The following MCM8 variants were observed in gnomAD, a reference collection of about 807,000 sequenced individuals.
MCM8 encodes the protein minichromosome maintenance 8 homologous recombination repair factor.
Under a neutral mutation model 98.9 loss-of-function variants are expected in MCM8, and 85 were observed. That is an observed-to-expected ratio of 0.86 (90% confidence interval 0.72 to 1.03). MCM8 has a LOEUF of 1.03. Ranked by LOEUF, MCM8 falls within the 50% of genes least tolerant of loss-of-function variation. MCM8 has a pLI of 0.00. For synonymous variants in MCM8, 352 were observed against 338.6 expected (o/e 1.04, Z -0.44); for missense variants, 951 against 997.8 (o/e 0.95, Z 0.63).
chr20:5,970,627 G>C (rs1287701561), intron 10 of MCM8, among the ~76,000 whole-genome samples: 1 of 152,168 alleles, frequency 6.6e-6, no homozygotes, highest in Admixed American at 6.5e-5. Flanking sequence ...CCAGTAGGAA[G>C]CCGGAACATA....
intron 6 of MCM8, 132 bp downstream of exon 6, chr20:5,957,361 A>G (rs2089014277): frequency 1.7e-6 from 1 of 575,984 alleles, no homozygotes. Flanking sequence ...CTCATTGATC[A>G]TCACACTGAA....
intron 12 of MCM8, 31 bp downstream of exon 12, chr20:5,973,227 T>C (rs2089442935): frequency 1.2e-6 from 2 of 1,607,406 alleles, no homozygotes; most frequent in Non-Finnish European, 1.7e-6. Flanking sequence ...TGTTTGTTCT[T>C]TTGCTTGTAA....
At chr20:5,968,710 T>C (rs764735890) in intron 10 of MCM8, among the ~76,000 whole-genome samples, 2 of 152,210 alleles carry the variant, frequency 1.3e-5, no homozygotes, top group African/African-American at 4.8e-5. Flanking sequence ...CTTTATCCTT[T>C]TATAGAAAAA....
chr20:5,989,063 G>A (rs1479836683), intron 17 of MCM8, among the ~76,000 whole-genome samples: 1 of 150,768 alleles, frequency 6.6e-6, no homozygotes, highest in Non-Finnish European at 1.5e-5. Flanking sequence ...TGACGAATAC[G>A]GTTCTGATAC....
At position 5,958,662 on chromosome 20, in the gene MCM8, G is replaced by T; in HGVS notation, c.725G>T (p.Cys242Phe). The T allele has an allele frequency of 6.2e-7, 1 of 1,614,064 alleles. No individual in the cohort carries two copies. The highest frequency in any genetic ancestry group is 8.5e-7 in the Non-Finnish European group (1 of 1,179,988). Reference sequence around the variant, plus strand: ...CTTTGCACCAAGATGGCTTTTCTTTGTGCTGCATGTGGAGAAATTCAGAGC... The same window carrying T: ...CTTTGCACCAAGATGGCTTTTCTTTTTGCTGCATGTGGAGAAATTCAGAGC... ...KPLCTKMAFL[C>F]AACGEIQSFP... The change falls in exon 7 of 19, where the codon TGT (cysteine) becomes TTT (phenylalanine). Residue 242 changes from cysteine (C) to phenylalanine (F), a missense_variant. Cys to Phe is a radical substitution (Grantham distance 205). Transcript: ENST00000610722.
intron 7 of MCM8, among the ~76,000 whole-genome samples, chr20:5,962,352 CTTTTTTTTTTTTTTTTT>C (rs926577182): frequency 7.4e-5 from 3 of 40,580 alleles, no homozygotes; most frequent in Admixed American, 3.8e-4. Context: ...GCCTTCATTT[CTTTTTTTTTTTTTTTTT>C]TTTTTTTTTT....
intron 14 of MCM8, among the ~76,000 whole-genome samples, chr20:5,983,769 T>C (rs2089677247): frequency 6.6e-6 from 1 of 152,168 alleles, no homozygotes; most frequent in Non-Finnish European, 1.5e-5. Context: ...CTTGGTGTGT[T>C]GATCACAATT....
At chr20:5,979,195 C>A (rs952560905) in intron 13 of MCM8, among the ~76,000 whole-genome samples, 1 of 150,210 alleles carries the variant, frequency 6.7e-6, no homozygotes, top group Non-Finnish European at 1.5e-5. Flanking sequence ...CCTTGAAACT[C>A]TCATTGGTTT....
intron 13 of MCM8, among the ~76,000 whole-genome samples, chr20:5,978,913 T>C (rs1600287743): frequency 6.6e-6 from 1 of 152,188 alleles, no homozygotes; most frequent in South Asian, 2.1e-4. Context: ...TCATTGGTTT[T>C]TTTTCAGGAT....
At chr20:5,967,665 C>A in intron 9 of MCM8, 78 bp downstream of exon 9, 1 of 1,477,122 alleles carries the variant, frequency 6.8e-7, no homozygotes, top group Non-Finnish European at 9.2e-7. Context: ...TGCTCCTGAA[C>A]CTCAAATAAT....
chr20:5,968,369 AC>A lies in MCM8; in HGVS notation c.1223+347del, dbSNP rs2089324385. The stretch of plus-strand genomic sequence containing the variant: ...AGACCAGCCTGGCCAACATGGTGAA[AC>A]CCTGTCTCTACTAAAAATACAAAAA... On this transcript the variant is annotated intron_variant, in intron 10 of 18. Transcript: ENST00000610722. Among the ~76,000 whole-genome samples, 4 of 152,126 alleles carry A rather than the reference AC, an allele frequency of 2.6e-5. No homozygotes were observed. In the South Asian group the frequency reaches 8.3e-4, roughly 32 times the overall value.
chr20:5,982,923 G>C, intron 13 of MCM8, 47 bp from the exon 14 acceptor site: 1 of 1,530,532 alleles, frequency 6.5e-7, no homozygotes. Flanking sequence ...TTTGGAACTT[G>C]ACCAAAGAAA....
chr20:5,966,659 GT>G (rs35646087), intron 8 of MCM8, among the ~76,000 whole-genome samples: 1 of 152,276 alleles, frequency 6.6e-6, no homozygotes, highest in South Asian at 2.1e-4. Flanking sequence ...TTAGGTAGTA[GT>G]TTTTTCTCAC....
rs1555791183 is a variant in MCM8, at chr20:5,994,478, G to GACAGACAC, written c.*90_*91insGACACACA. 4.9e-5 allele frequency: 19 copies of GACAGACAC among 384,458 alleles called. No homozygotes were observed. Among genetic ancestry groups the GACAGACAC allele is most frequent in the African/African-American group, 2.3e-4 (10 of 43,270 alleles). 23.8% of individuals were successfully genotyped at this position (384,458 alleles called of 1,614,324 possible). ...ATATGCGTGCACGCACAGACAGACA[G>GACAGACAC]ACACACACACACACACACACACACA... On this transcript the variant is annotated 3_prime_UTR_variant, in exon 19 of 19. Transcript: ENST00000610722.
chr20:5,951,205 C>T (rs1473467979), intron 1 of MCM8, 182 bp downstream of exon 1: 2 of 152,230 alleles, frequency 1.3e-5, no homozygotes, highest in African/African-American at 4.8e-5. Flanking sequence ...GAAGGAGCGC[C>T]TCAGCTTGGG....
Position 5,983,142 on chromosome 20 carries a change from C to CA in MCM8, c.1714dup (p.Thr572AsnfsTer4). 2 of 1,611,996 alleles carry CA rather than the reference C, an allele frequency of 1.2e-6. No homozygotes were observed. The highest frequency in any genetic ancestry group is 1.7e-6 in the Non-Finnish European group (2 of 1,179,324). The stretch of plus-strand genomic sequence containing the variant: ...CAGTTGGAGGACATTACAATAAAGC[C>CA]AAAACAGTTTCTGAGAATTTAAAGT... On this transcript the variant is annotated frameshift_variant, in exon 14 of 19. Transcript: ENST00000610722. LOFTEE classifies it high-confidence loss of function.
At chr20:5,978,061 A>G (rs1405190359) in intron 13 of MCM8, 44 bp downstream of exon 13, 1 of 1,606,994 alleles carries the variant, frequency 6.2e-7, no homozygotes, top group African/African-American at 1.3e-5. Flanking sequence ...GGACTTTTTG[A>G]AAAGCCTTTT....
chr20:5,958,626 A>G lies in MCM8; in HGVS notation c.689A>G (p.Asn230Ser). The change falls in exon 7 of 19, where the codon AAT (asparagine) becomes AGT (serine). Residue 230 changes from asparagine (N) to serine (S), a missense_variant. Transcript: ENST00000610722. The stretch of plus-strand genomic sequence containing the variant: ...AGAGGGACAGTGGTTCGTGTCAGTA[A>G]TATAAAGCCTCTTTGCACCAAGATG... ...ALRGTVVRVSNIKPLCTKMAF... is the reference protein window; with the variant it reads ...ALRGTVVRVSSIKPLCTKMAF... The G allele has an allele frequency of 6.2e-7, 1 of 1,614,190 alleles. No homozygotes were observed. The highest frequency in any genetic ancestry group is 1.3e-5 in the African/African-American group (1 of 75,058).
intron 1 of MCM8, 88 bp from the exon 2 acceptor site, chr20:5,951,923 T>C (rs1450846464): frequency 1.4e-6 from 2 of 1,421,566 alleles, no homozygotes; most frequent in Non-Finnish European, 1.9e-6. Flanking sequence ...CTAGAATACA[T>C]TAATTTTTCC....
Sources: gnomAD v4.1 joint callset for allele counts (sites outside exome capture counted in the v4.1 genomes callset) on GRCh38, gnomAD v4.1.1 for gene constraint, MANE v1.5 for transcripts, NCBI Gene and HGNC (gene_info 2026-07-23, HGNC 2026-07-21) for gene names.